CAPN9: variants seen among roughly 807,000 people sequenced by gnomAD.
CAPN9 encodes the protein calpain-9.
Under a neutral mutation model 92.8 loss-of-function variants are expected in CAPN9, and 81 were observed. The ratio of observed to expected loss-of-function variants is 0.87; its 90% confidence interval spans 0.73 to 1.05. CAPN9 has a LOEUF of 1.05. Among genes scored for constraint, CAPN9 ranks in the 50% least tolerant of loss-of-function variants. The pLI, the probability that CAPN9 is intolerant of heterozygous loss-of-function variation, is 0.00. For synonymous variants in CAPN9, 304 were observed against 328.0 expected, an observed-to-expected ratio of 0.93 and a Z score of 0.79; for missense variants, 848 against 866.2, an observed-to-expected ratio of 0.98 and a Z score of 0.26.
chr1:230,794,009 C>T (rs550757453), intron 17 of CAPN9, among the ~76,000 whole-genome samples: 10 of 152,244 alleles, frequency 6.6e-5, no homozygotes, highest in East Asian at 3.9e-4. Context: ...CCAGCACTGC[C>T]GTGCAGGCTC....
chr1:230,760,036 G>A (rs1665533427), intron 3 of CAPN9, among the ~76,000 whole-genome samples: 1 of 152,142 alleles, frequency 6.6e-6, no homozygotes, highest in Admixed American at 6.5e-5. Flanking sequence ...GATCTTGAGG[G>A]ATTTTAAAAA....
intron 11 of CAPN9, among the ~76,000 whole-genome samples, chr1:230,782,094 C>G (rs7549119): frequency 0.05 from 7,623 of 152,200 alleles, 617 homozygotes; most frequent in African/African-American, 0.17. Flanking sequence ...CCAAGTTATG[C>G]CAATGCCATG....
At chr1:230,747,801 G>A (rs544117575) in intron 1 of CAPN9, 92 bp downstream of exon 1, 44 of 1,143,788 alleles carry the variant, frequency 3.8e-5, no homozygotes, top group South Asian at 3.3e-4. Flanking sequence ...GGGAGGGGCC[G>A]GCTACGCTCA....
At chr1:230,774,903 G>A (rs982724279) in intron 8 of CAPN9, among the ~76,000 whole-genome samples, 5 of 151,402 alleles carry the variant, frequency 3.3e-5, no homozygotes, top group South Asian at 4.2e-4. Flanking sequence ...CACCACGCCC[G>A]ACTCATTTTG....
Position 230,767,470 on chromosome 1 carries a change from C to T in CAPN9, c.537-71C>T, listed in dbSNP as rs1666062615. ...TGCTTCAGGCTTAGTTAGAAAAGCT[C>T]TGAAAGCAGGGTGCCCCAGTGGCCT... On this transcript the variant is annotated intron_variant, in intron 4 of 19. Coordinates refer to ENST00000271971, the MANE Select transcript of CAPN9 (RefSeq NM_006615.3). 2.3e-6 allele frequency: 3 copies of T among 1,320,560 alleles called. No homozygotes were observed. In the East Asian group the frequency reaches 7.2e-5, roughly 32 times the overall value. 81.8% of individuals were successfully genotyped at this position (1,320,560 alleles called of 1,614,324 possible).
chr1:230,758,550 G>A (rs1004721405), intron 2 of CAPN9, among the ~76,000 whole-genome samples: 3 of 152,148 alleles, frequency 2.0e-5, no homozygotes, highest in Non-Finnish European at 4.4e-5. Context: ...GAACCAGGGC[G>A]ATTCGGAATT....
chr1:230,751,647 GAAAGAAAGAAAGAAAGAA>G (rs1664830109), intron 1 of CAPN9, among the ~76,000 whole-genome samples: 1 of 104,004 alleles, frequency 9.6e-6, no homozygotes, highest in African/African-American at 4.6e-5. Flanking sequence ...AAGAAAGAAA[GAAAGAAAGAAAGAAAGAA>G]AGAAAGAAAG....
At chr1:230,763,973 G>A (rs1376616273) in intron 4 of CAPN9, among the ~76,000 whole-genome samples, 1 of 152,142 alleles carries the variant, frequency 6.6e-6, no homozygotes, top group Admixed American at 6.5e-5. Flanking sequence ...ATGCAAGCAA[G>A]GCAACAGAAA....
chr1:230,748,958 G>A (rs1319094923), intron 1 of CAPN9, among the ~76,000 whole-genome samples: 6 of 152,288 alleles, frequency 3.9e-5, no homozygotes, highest in East Asian at 3.9e-4. Context: ...GTGTGTGCAC[G>A]CACTTGTGTG....
chr1:230,786,099 A>C, intron 12 of CAPN9, 82 bp downstream of exon 12: 1 of 1,609,524 alleles, frequency 6.2e-7, no homozygotes, highest in South Asian at 1.1e-5. Context: ...GCATCATGTA[A>C]AACTCTGCAG....
intron 1 of CAPN9, among the ~76,000 whole-genome samples, chr1:230,754,464 C>T (rs750704863): frequency 6.6e-6 from 1 of 151,774 alleles, no homozygotes; most frequent in East Asian, 1.9e-4. Context: ...GCATATCTCT[C>T]TTTATATGGT....
At position 230,780,227 on chromosome 1, in the gene CAPN9, A is replaced by G. The variant is rs751697584; in HGVS notation, c.1163A>G (p.Asp388Gly). The change falls in exon 10 of 20, where the codon GAT (aspartate) becomes GGT (glycine). Residue 388 changes from aspartate to glycine, a missense_variant. Coordinates refer to ENST00000271971, the MANE Select transcript of CAPN9 (RefSeq NM_006615.3). ...ATAAAATTGTCTCTGACTGAGAAAG[A>G]TGAGGGGCAGGAGGAGTGTAGTTTC... Reference protein sequence around the residue: ...PQIKLSLTEKDEGQEECSFLV... With the variant: ...PQIKLSLTEKGEGQEECSFLV... The G allele has an allele frequency of 1.9e-6, 3 of 1,613,990 alleles. No individual in the cohort carries two copies. The highest frequency in any genetic ancestry group is 3.3e-5 in the Admixed American group (2 of 60,018).
Position 230,760,112 on chromosome 1 carries a change from G to A in CAPN9, c.402+482G>A, listed in dbSNP as rs140128654. Among the ~76,000 whole-genome samples the A allele has an allele frequency of 1.1e-3, 168 of 152,182 alleles. 1 individual carries two copies. The highest frequency in any genetic ancestry group is 3.8e-3 in the African/African-American group (158 of 41,482). On this transcript the variant is annotated intron_variant, in intron 3 of 19. Coordinates refer to ENST00000271971, the MANE Select transcript of CAPN9 (RefSeq NM_006615.3). ...CCGTGTGACCCGCAGACCCTCAGCC[G>A]AGGTGCACATCAGGAGAGGCTTGCC...
rs1666611399 is a variant in CAPN9 at position 230,774,563 on chromosome 1, G to A, written c.885G>A (p.Glu295=). The stretch of plus-strand genomic sequence containing the variant: ...TTTTGTTTACTCCTAGTTCTCCGGA[G>A]TGGCGTTCTGTTGGTCCAGCTGAGC... ...WNGSWSDSSP[E]WRSVGPAEQK... is the part of the protein sequence containing the mutation. Residue 295 remains glutamate, a synonymous_variant, in exon 8 of 20, where the codon GAG becomes GAA. Transcript: ENST00000271971. The A allele has an allele frequency of 6.2e-7, 1 of 1,613,184 alleles. No individual in the cohort carries two copies. The highest frequency in any genetic ancestry group is 1.3e-5 in the African/African-American group (1 of 74,858).
At chr1:230,768,518 TCTTC>T (rs1383214140) in intron 5 of CAPN9, among the ~76,000 whole-genome samples, 1 of 149,332 alleles carries the variant, frequency 6.7e-6, no homozygotes, top group Non-Finnish European at 1.5e-5. Context: ...TGAAACGGGA[TCTTC>T]CTATCTAGTT....
At position 230,772,019 on chromosome 1, in the gene CAPN9, C is replaced by A. The variant is rs1195780373; in HGVS notation, c.795C>A (p.Ser265Arg). The stretch of plus-strand genomic sequence containing the variant: ...CTCATGCTTTTCCCTTCTAGGTAAG[C>A]TTCCGAGGCCAGAGAATCGAGCTCA... ...AYSVTGIDQVSFRGQRIELIR... is the reference protein window; with the variant it reads ...AYSVTGIDQVRFRGQRIELIR... Residue 265 changes from serine (S) to arginine (R), a missense_variant, in exon 7 of 20, where the codon AGC becomes AGA. Ser to Arg is a moderately radical substitution (Grantham distance 110). Coordinates refer to ENST00000271971, the MANE Select transcript of CAPN9 (RefSeq NM_006615.3). 1 of 1,614,114 alleles carries A rather than the reference C, an allele frequency of 6.2e-7. No individual in the cohort carries two copies. Among genetic ancestry groups the A allele is most frequent in the Admixed American group, 1.7e-5 (1 of 60,030 alleles).
chr1:230,792,997 A>T (rs1421297191), intron 17 of CAPN9, 69 bp downstream of exon 17: 12 of 1,169,292 alleles, frequency 1.0e-5, no homozygotes, highest in East Asian at 4.7e-5. Context: ...ACCTGAGCAG[A>T]TGGCAGGTCT....
At chr1:230,763,060 G>A (rs757376171) in intron 4 of CAPN9, among the ~76,000 whole-genome samples, 2 of 152,196 alleles carry the variant, frequency 1.3e-5, no homozygotes, top group Non-Finnish European at 2.9e-5. Flanking sequence ...GAAGGCAAGC[G>A]GAGGGGAATT....
intron 1 of CAPN9, among the ~76,000 whole-genome samples, chr1:230,751,851 TG>T (rs1003558773): frequency 6.6e-4 from 1 of 1,514 alleles, no homozygotes; most frequent in African/African-American, 4.6e-3. Context: ...GGTAGGGCTG[TG>T]GGGTGGGGGA....
Sources: gnomAD v4.1 joint callset for allele counts (sites outside exome capture counted in the v4.1 genomes callset) on GRCh38, gnomAD v4.1.1 for gene constraint, MANE v1.5 for transcripts, NCBI Gene and HGNC (gene_info 2026-07-23, HGNC 2026-07-21) for gene names.